The following UGT1A6 variants were observed in gnomAD, a reference collection of about 807,000 sequenced individuals.
UGT1A6 encodes the protein UDP glucuronosyltransferase family 1 member A6, also known as UDP-glucuronosyltransferase 1A6.
A neutral mutation model predicts 44.4 loss-of-function variants in UGT1A6; 32 were observed. The observed-to-expected ratio is 0.72, with a 90% CI of 0.54 to 0.97. The LOEUF (loss-of-function observed/expected upper bound fraction) is 0.97, where lower values mean the gene tolerates loss of function less well. UGT1A6 is among the 50% of genes least tolerant of loss of function. The pLI, the probability that UGT1A6 is intolerant of heterozygous loss-of-function variation, is 0.00. For missense variants in UGT1A6, 685 were observed against 661.9 expected (o/e 1.03, Z -0.38); for synonymous variants, 238 against 248.5 (o/e 0.96, Z 0.40).
chr2:233,750,239 C>A (rs1187783492), intron 1 of UGT1A6, among the ~76,000 whole-genome samples: 6 of 151,854 alleles, frequency 4.0e-5, no homozygotes, highest in African/African-American at 1.2e-4. Context: ...TTATTGGGAA[C>A]TGGAACAAAG....
chr2:233,715,342 A>G (rs1189143165), intron 1 of UGT1A6, among the ~76,000 whole-genome samples: 2 of 150,484 alleles, frequency 1.3e-5, no homozygotes, highest in African/African-American at 2.5e-5. Context: ...TGGTGCATGT[A>G]GGTTTGAGGT....
At chr2:233,729,415 A>G (rs914222718) in intron 1 of UGT1A6, 1 of 1,613,668 alleles carries the variant, frequency 6.2e-7, no homozygotes. Flanking sequence ...GCTGGGCCAC[A>G]CTCAACTGTA....
Position 233,767,697 on chromosome 2 carries a change from C to A in UGT1A6, c.994-152C>A, listed in dbSNP as rs558537555. Reference sequence around the variant, plus strand: ...CTCCAAAACAAGATGCCGGAAGTTGCCAGTCCTCAGAAGCCTTCACAGTTA... The same window carrying A: ...CTCCAAAACAAGATGCCGGAAGTTGACAGTCCTCAGAAGCCTTCACAGTTA... On this transcript the variant is annotated intron_variant, in intron 2 of 4. Coordinates refer to ENST00000305139, the MANE Select transcript of UGT1A6 (RefSeq NM_001072.4). 77 of 1,498,202 alleles carry A rather than the reference C, an allele frequency of 5.1e-5. 3 individuals carry two copies. The South Asian group carries it at 9.5e-4, about 18-fold the overall frequency. 92.8% of individuals were successfully genotyped at this position (1,498,202 alleles called of 1,614,324 possible). A position where few individuals can be genotyped will look rare whatever the true frequency, so the allele number is the denominator to read the frequency against.
intron 1 of UGT1A6, chr2:233,755,329 C>G (rs1159047004): frequency 4.3e-6 from 2 of 468,526 alleles, no homozygotes; most frequent in African/African-American, 2.0e-5. Flanking sequence ...CTGCCAGCAC[C>G]CGCGCACAGG....
At chr2:233,696,453 T>A (rs1380414494) in intron 1 of UGT1A6, among the ~76,000 whole-genome samples, 1 of 152,248 alleles carries the variant, frequency 6.6e-6, no homozygotes, top group East Asian at 1.9e-4. Flanking sequence ...TAAATGCTAC[T>A]GATTTTTGTA....
At chr2:233,724,652 A>G (rs1267696968) in intron 1 of UGT1A6, among the ~76,000 whole-genome samples, 1 of 140,816 alleles carries the variant, frequency 7.1e-6, no homozygotes, top group Non-Finnish European at 1.5e-5. Flanking sequence ...GCGGCTGGGA[A>G]GAGGCGCTCC....
intron 1 of UGT1A6, among the ~76,000 whole-genome samples, chr2:233,695,649 A>G (rs2075301857): frequency 6.6e-6 from 1 of 151,872 alleles, no homozygotes; most frequent in African/African-American, 2.4e-5. Flanking sequence ...TTTTAGCTCC[A>G]CATATAAATG....
intron 1 of UGT1A6, chr2:233,760,815 A>G: frequency 6.2e-7 from 1 of 1,613,556 alleles, no homozygotes; most frequent in Non-Finnish European, 8.5e-7. Context: ...ATGCACTGCC[A>G]TGCAGCCTGG....
intron 1 of UGT1A6, among the ~76,000 whole-genome samples, chr2:233,724,596 C>G (rs202203863): frequency 0.33 from 37,419 of 112,546 alleles, 7,358 homozygotes; most frequent in African/African-American, 0.51. Context: ...ACATCTCAGA[C>G]GATGGGCGGC....
intron 4 of UGT1A6, among the ~76,000 whole-genome samples, chr2:233,771,925 G>A (rs1269829032): frequency 6.6e-6 from 1 of 151,860 alleles, no homozygotes; most frequent in Non-Finnish European, 1.5e-5. Flanking sequence ...ACACAGCCTG[G>A]GCAACACAAT....
chr2:233,707,852 A>G (rs917969840), intron 1 of UGT1A6, among the ~76,000 whole-genome samples: 14 of 152,114 alleles, frequency 9.2e-5, no homozygotes, highest in African/African-American at 1.4e-4. Flanking sequence ...TATTTTTCAG[A>G]GTGGTTGTAC....
At chr2:233,770,741 G>A (rs1433852574) in intron 4 of UGT1A6, 1 of 151,846 alleles carries the variant, frequency 6.6e-6, no homozygotes, top group Non-Finnish European at 1.5e-5. Flanking sequence ...CATGATTCAT[G>A]GCCAAGTACT....
At chr2:233,739,666 C>T (rs1691171708) in intron 1 of UGT1A6, among the ~76,000 whole-genome samples, 1 of 152,188 alleles carries the variant, frequency 6.6e-6, no homozygotes, top group East Asian at 1.9e-4. Context: ...CCCATTGTGT[C>T]TTGGAAGTTA....
intron 1 of UGT1A6, among the ~76,000 whole-genome samples, chr2:233,700,149 G>T (rs142795640): frequency 4.4e-3 from 670 of 152,290 alleles, no homozygotes; most frequent in Non-Finnish European, 7.9e-3. Context: ...TCTCCCTATA[G>T]GGGTCTTTAC....
chr2:233,738,565 G>A (rs1000487270), intron 1 of UGT1A6, among the ~76,000 whole-genome samples: 1 of 152,204 alleles, frequency 6.6e-6, no homozygotes, highest in African/African-American at 2.4e-5. Context: ...TGAGGAATCT[G>A]TTGAGAACTG....
At chr2:233,724,183 G>A (rs1455555189) in intron 1 of UGT1A6, among the ~76,000 whole-genome samples, 1,241 of 117,586 alleles carry the variant, frequency 0.011, 5 homozygotes, top group Non-Finnish European at 0.017. Flanking sequence ...TCTCCCTCCC[G>A]GACGGGGTGG....
rs191241107 is a variant in UGT1A6, at chr2:233,721,753, T to C, written c.861+27888T>C. The C allele has an allele frequency of 4.9e-4, 222 of 457,372 alleles. 1 individual carries two copies. The highest frequency in any genetic ancestry group is 3.1e-3 in the Admixed American group (134 of 43,562). The allele number at this position is 457,372 out of a possible 1,614,324, so 28.3% of individuals were successfully genotyped here. A position where few individuals can be genotyped will look rare whatever the true frequency, so the allele number is the denominator to read the frequency against. ...AAGCTTAATGATGAGAGAATCTACATCTAAATTGTTATATTTAGCATTATT... is the reference window on the plus strand; with the variant it reads ...AAGCTTAATGATGAGAGAATCTACACCTAAATTGTTATATTTAGCATTATT... On this transcript the variant is annotated intron_variant, in intron 1 of 4. Transcript: ENST00000305139.
upstream of UGT1A6, among the ~76,000 whole-genome samples, chr2:233,692,535 A>C (rs1469514981): frequency 6.6e-6 from 1 of 152,282 alleles, no homozygotes; most frequent in African/African-American, 2.4e-5. Context: ...CTCAGAATTC[A>C]GTTCAGAATG....
At chr2:233,699,548 C>A (rs2075512161) in intron 1 of UGT1A6, among the ~76,000 whole-genome samples, 1 of 152,204 alleles carries the variant, frequency 6.6e-6, no homozygotes, top group Non-Finnish European at 1.5e-5. Context: ...CATCATAGAG[C>A]CAGGTCATGG....
Sources: gnomAD v4.1 joint callset for allele counts (sites outside exome capture counted in the v4.1 genomes callset) on GRCh38, gnomAD v4.1.1 for gene constraint, MANE v1.5 for transcripts, NCBI Gene and HGNC (gene_info 2026-07-23, HGNC 2026-07-21) for gene names.